The following SEMA6D variants were observed in gnomAD, a reference collection of about 807,000 sequenced individuals.
The protein encoded by SEMA6D is semaphorin-6D.
A neutral mutation model predicts 106.6 loss-of-function variants in SEMA6D; 35 were observed. The observed-to-expected ratio is 0.33, with a 90% confidence interval of 0.25 to 0.44. The LOEUF (loss-of-function observed/expected upper bound fraction) is 0.44, where lower values mean the gene tolerates loss of function less well. Among genes scored for constraint, SEMA6D ranks in the 20% least tolerant of loss-of-function variants. SEMA6D has a pLI of 1.00. For missense variants in SEMA6D, 1,185 were observed against 1,345.9 expected (o/e 0.88, Z 1.87); for synonymous variants, 499 against 487.7 (o/e 1.02, Z -0.31).
chr15:47,356,859 A>G (rs1354234358), intron 1 of SEMA6D, among the ~76,000 whole-genome samples: 1 of 152,204 alleles, frequency 6.6e-6, no homozygotes, highest in East Asian at 1.9e-4. Context: ...TCTCTGCCCA[A>G]TACACATGTA....
chr15:47,725,069 A>G (rs546313662), intron 1 of SEMA6D, among the ~76,000 whole-genome samples: 1 of 152,210 alleles, frequency 6.6e-6, no homozygotes. Context: ...TTCTAAAATA[A>G]AGAATACGTC....
intron 4 of SEMA6D, among the ~76,000 whole-genome samples, chr15:47,606,875 C>G (rs1318846543): frequency 1.3e-4 from 20 of 152,138 alleles, no homozygotes; most frequent in Admixed American, 1.3e-3. Context: ...GTGTCCCATT[C>G]AGACTTCTGA....
chr15:47,709,880 C>CAAAAAAAAAAAA (rs199899821), intron 4 of SEMA6D, among the ~76,000 whole-genome samples: 2 of 127,016 alleles, frequency 1.6e-5, no homozygotes, highest in Non-Finnish European at 1.7e-5. Flanking sequence ...TAAAAACTGG[C>CAAAAAAAAAAAA]AAAAAAAAAA....
chr15:47,244,615 G>T (rs2033101003), intron 1 of SEMA6D, among the ~76,000 whole-genome samples: 1 of 152,134 alleles, frequency 6.6e-6, no homozygotes, highest in African/African-American at 2.4e-5. Flanking sequence ...ATGTTTAAAT[G>T]CCCAAGGGAC....
intron 1 of SEMA6D, among the ~76,000 whole-genome samples, chr15:47,209,654 C>T (rs961232399): frequency 6.6e-6 from 1 of 152,074 alleles, no homozygotes; most frequent in Admixed American, 6.6e-5. Flanking sequence ...ATACAAATGT[C>T]AGATGTGAGG....
At chr15:47,394,723 T>C (rs1250455528) in intron 1 of SEMA6D, among the ~76,000 whole-genome samples, 1 of 152,216 alleles carries the variant, frequency 6.6e-6, no homozygotes, top group African/African-American at 2.4e-5. Context: ...TAAATGATTG[T>C]CTGTCTAAAT....
At chr15:47,701,565 A>G (rs751512958) in intron 4 of SEMA6D, among the ~76,000 whole-genome samples, 2 of 152,236 alleles carry the variant, frequency 1.3e-5, no homozygotes, top group Non-Finnish European at 2.9e-5. Context: ...ATATATTAGT[A>G]AGCTCAATTT....
chr15:47,218,596 T>A (rs1296975801), intron 1 of SEMA6D, among the ~76,000 whole-genome samples: 1 of 152,230 alleles, frequency 6.6e-6, no homozygotes, highest in African/African-American at 2.4e-5. Context: ...TGCTTTTCAC[T>A]GCCTTCAAAG....
At chr15:47,496,563 C>T (rs983494401) in intron 3 of SEMA6D, among the ~76,000 whole-genome samples, 2 of 152,044 alleles carry the variant, frequency 1.3e-5, no homozygotes, top group African/African-American at 4.8e-5. Flanking sequence ...GACTCAGTCA[C>T]CTTTGATCTC....
At chr15:47,708,788 C>T (rs1233688743) in intron 4 of SEMA6D, among the ~76,000 whole-genome samples, 2 of 152,184 alleles carry the variant, frequency 1.3e-5, no homozygotes, top group East Asian at 1.9e-4. Context: ...AATAGGGAGA[C>T]AGTGTGATAA....
chr15:47,593,825 A>G (rs1400526342), intron 3 of SEMA6D, among the ~76,000 whole-genome samples: 2 of 152,174 alleles, frequency 1.3e-5, no homozygotes, highest in Non-Finnish European at 2.9e-5. Context: ...GAAGCAAGAA[A>G]GAGGGCGGTG....
At chr15:47,590,753 T>C (rs1419866151) in intron 3 of SEMA6D, among the ~76,000 whole-genome samples, 2 of 152,130 alleles carry the variant, frequency 1.3e-5, no homozygotes, top group South Asian at 2.1e-4. Context: ...CAAGGATCGA[T>C]GGCCATCACC....
intron 1 of SEMA6D, among the ~76,000 whole-genome samples, chr15:47,372,865 A>G (rs1442391712): frequency 1.3e-5 from 2 of 152,198 alleles, no homozygotes. Context: ...AGGACTGCCC[A>G]GGGTCATTTT....
intron 4 of SEMA6D, among the ~76,000 whole-genome samples, chr15:47,690,844 TATATA>T (rs1450835564): frequency 6.6e-6 from 1 of 152,184 alleles, no homozygotes; most frequent in Non-Finnish European, 1.5e-5. Flanking sequence ...TATAAAAATA[TATATA>T]GAGTCCCATG....
At chr15:47,317,591 C>T (rs1428493578) in intron 1 of SEMA6D, among the ~76,000 whole-genome samples, 1 of 152,066 alleles carries the variant, frequency 6.6e-6, no homozygotes, top group Non-Finnish European at 1.5e-5. Flanking sequence ...TTTTATTTCT[C>T]TTACACTTTT....
In SEMA6D at chr15:47,693,905, G is replaced by A. The variant is rs1006976925; in HGVS notation, c.-54-65840G>A. ...ATTCAGTGAGCCGTGATCGCACCAC[G>A]ACACTCCAGCCTGGCAACAGAGCAA... is the stretch of plus-strand genomic sequence containing the variant. On this transcript the variant is annotated intron_variant, in intron 4 of 19. Transcript: ENST00000558014. 3.3e-5 allele frequency among the ~76,000 whole-genome samples: 5 copies of A among 152,124 alleles called. No homozygotes were observed. In the South Asian group the frequency reaches 6.2e-4, roughly 19 times the overall value.
At chr15:47,768,478 C>A in intron 17 of SEMA6D, 103 bp from the exon 18 acceptor site, 2 of 1,030,476 alleles carry the variant, frequency 1.9e-6, no homozygotes, top group Admixed American at 2.9e-5. Flanking sequence ...CTAGAGCAAA[C>A]TTTCTCATAA....
At chr15:47,196,185 CCCAGCTGTTGGAGACAAGCT>C (rs747774274) in intron 1 of SEMA6D, among the ~76,000 whole-genome samples, 11 of 152,236 alleles carry the variant, frequency 7.2e-5, no homozygotes, top group Non-Finnish European at 1.3e-4. Context: ...GGCAGCATGG[CCCAGCTGTTGGAGACAAGCT>C]CAGTTCTTGG....
intron 2 of SEMA6D, among the ~76,000 whole-genome samples, chr15:47,428,289 A>G (rs573748587): frequency 1.3e-5 from 2 of 152,254 alleles, no homozygotes; most frequent in South Asian, 4.2e-4. Context: ...TGTTGATCAA[A>G]GGTTTTACAA....
Sources: allele counts gnomAD v4.1 joint callset (sites outside exome capture counted in the v4.1 genomes callset), GRCh38; gene constraint gnomAD v4.1.1; transcripts MANE v1.5; gene names NCBI Gene and HGNC (gene_info 2026-07-23, HGNC 2026-07-21).